The following STK3 variants were observed in gnomAD, a reference collection of about 807,000 sequenced individuals.
The protein encoded by STK3 is serine/threonine-protein kinase 3.
In STK3, 41 loss-of-function variants were observed where a neutral mutation model predicts 58.0. The observed-to-expected ratio is 0.71, with a 90% CI of 0.55 to 0.92. STK3 has a LOEUF of 0.92. Among genes scored for constraint, STK3 ranks in the 40% least tolerant of loss-of-function variants. STK3 has a pLI of 0.00. For missense variants in STK3, 479 were observed against 602.7 expected (o/e 0.79, Z 2.15); for synonymous variants, 170 against 191.0 (o/e 0.89, Z 0.91).
chr8:98,837,163 A>G (rs1835776612), intron 3 of STK3, among the ~76,000 whole-genome samples: 2 of 152,218 alleles, frequency 1.3e-5, no homozygotes, highest in South Asian at 4.1e-4. Flanking sequence ...AACTTTATAT[A>G]AACACAATAA....
intron 9 of STK3, among the ~76,000 whole-genome samples, chr8:98,534,461 C>T (rs1308799111): frequency 3.9e-5 from 6 of 152,086 alleles, no homozygotes; most frequent in African/African-American, 1.4e-4. Context: ...TCATAACAGA[C>T]TTTACAAGTA....
chr8:98,613,590 A>G (rs1390850770), intron 6 of STK3, among the ~76,000 whole-genome samples: 1 of 152,072 alleles, frequency 6.6e-6, no homozygotes, highest in Non-Finnish European at 1.5e-5. Flanking sequence ...CCTCATAAAC[A>G]CTATAGATAA....
At chr8:98,663,821 T>C (rs917186655) in intron 6 of STK3, among the ~76,000 whole-genome samples, 1 of 152,202 alleles carries the variant, frequency 6.6e-6, no homozygotes, top group Non-Finnish European at 1.5e-5. Context: ...AACTGAACAA[T>C]GAGAACACAA....
intron 1 of STK3, among the ~76,000 whole-genome samples, chr8:98,799,134 A>G (rs1833361365): frequency 1.3e-5 from 2 of 152,192 alleles, no homozygotes; most frequent in Admixed American, 6.5e-5. Flanking sequence ...CTATCATTTG[A>G]CTATCTCATT....
chr8:98,414,405 C>T (rs114414562), intron 3 of STK3, among the ~76,000 whole-genome samples: 2,111 of 152,296 alleles, frequency 0.014, 57 homozygotes, highest in African/African-American at 0.048. Context: ...ATTCCAACAA[C>T]TTAGCAATCC....
At chr8:98,514,421 A>C (rs1824766291) in intron 10 of STK3, among the ~76,000 whole-genome samples, 1 of 152,082 alleles carries the variant, frequency 6.6e-6, no homozygotes, top group South Asian at 2.1e-4. Context: ...TTTAAAAGTT[A>C]TTTACACCCT....
At chr8:98,363,816 G>T in the STK3 span, among the ~76,000 whole-genome samples, 1 of 152,208 alleles carries the variant, frequency 6.6e-6, no homozygotes, top group East Asian at 1.9e-4. Context: ...TCACCGCGGA[G>T]ATTTCACAGC....
At chr8:98,864,687 T>C (rs1320440399) in intron 3 of STK3, among the ~76,000 whole-genome samples, 1 of 152,174 alleles carries the variant, frequency 6.6e-6, no homozygotes, top group Non-Finnish European at 1.5e-5. Flanking sequence ...ATTTAAGAGT[T>C]TAGGTAAAAT....
At chr8:98,351,769 C>A in the STK3 span, among the ~76,000 whole-genome samples, 1 of 152,144 alleles carries the variant, frequency 6.6e-6, no homozygotes, top group Non-Finnish European at 1.5e-5. Flanking sequence ...TCAAAAGATG[C>A]AAATCTCCTT....
intron 9 of STK3, among the ~76,000 whole-genome samples, chr8:98,539,082 T>C (rs1810017666): frequency 6.6e-6 from 1 of 152,190 alleles, no homozygotes; most frequent in Non-Finnish European, 1.5e-5. Context: ...CATAAAAGAA[T>C]GGTAAGTGAG....
At chr8:98,360,402 A>G in the STK3 span, among the ~76,000 whole-genome samples, 2 of 152,146 alleles carry the variant, frequency 1.3e-5, no homozygotes, top group Non-Finnish European at 2.9e-5. Flanking sequence ...CTGTGTCTCC[A>G]TGCCTAGTCC....
chr8:98,779,105 C>T (rs1254730745), intron 1 of STK3, among the ~76,000 whole-genome samples: 1 of 152,020 alleles, frequency 6.6e-6, no homozygotes, highest in Non-Finnish European at 1.5e-5. Flanking sequence ...AGACCTATTT[C>T]CTGGCCCCTC....
At chr8:98,387,854 G>T (rs1438448795) in intron 1 of STK3, among the ~76,000 whole-genome samples, 2 of 149,014 alleles carry the variant, frequency 1.3e-5, no homozygotes, top group East Asian at 3.9e-4. Context: ...AAAGAAACCA[G>T]AGCTCTTTGT....
upstream of STK3, among the ~76,000 whole-genome samples, chr8:98,830,449 T>C (rs185464939): frequency 6.6e-6 from 1 of 152,080 alleles, no homozygotes; most frequent in East Asian, 1.9e-4. Context: ...TGTGTGTTAC[T>C]CAATAAAGGA....
intron 3 of STK3, among the ~76,000 whole-genome samples, chr8:98,839,512 A>G (rs1427224026): frequency 6.6e-6 from 1 of 152,254 alleles, no homozygotes; most frequent in Non-Finnish European, 1.5e-5. Flanking sequence ...GTTGCCAGAC[A>G]CAGATAATGA....
intron 6 of STK3, among the ~76,000 whole-genome samples, chr8:98,680,981 C>CTTTTTTTTTTTTT (rs371666746): frequency 8.0e-6 from 1 of 124,762 alleles, no homozygotes; most frequent in Non-Finnish European, 1.7e-5. Context: ...CCCCACCTTT[C>CTTTTTTTTTTTTT]TTTTTTTTTT....
At chr8:98,585,514 T>G (rs1359244783) in intron 7 of STK3, among the ~76,000 whole-genome samples, 1 of 150,712 alleles carries the variant, frequency 6.6e-6, no homozygotes, top group Non-Finnish European at 1.5e-5. Context: ...TAGTATAGTT[T>G]GAAGTCAGGT....
intron 10 of STK3, among the ~76,000 whole-genome samples, chr8:98,464,437 A>G (rs1820264623): frequency 6.6e-6 from 1 of 151,984 alleles, no homozygotes. Flanking sequence ...AGCACTAGTA[A>G]AAATCCAGTC....
chr8:98,455,611 C>A lies in STK3; in HGVS notation c.*231G>T. 1 of 538,756 alleles carries A rather than the reference C, an allele frequency of 1.9e-6. No homozygotes were observed. Among genetic ancestry groups the A allele is most frequent in the Non-Finnish European group, 3.3e-6 (1 of 305,442 alleles). 33.4% of individuals were successfully genotyped at this position (538,756 alleles called of 1,614,324 possible). A position where few individuals can be genotyped will look rare whatever the true frequency, so the allele number is the denominator to read the frequency against. Reference sequence around the variant, plus strand: ...AGTTTTATTACTGGTATGCAGCTGACAGAACAAGAGAATACACTTCTTTTG... The same window carrying A: ...AGTTTTATTACTGGTATGCAGCTGAAAGAACAAGAGAATACACTTCTTTTG... On this transcript the variant is annotated 3_prime_UTR_variant, in exon 11 of 11. Coordinates refer to ENST00000419617, the MANE Select transcript of STK3 (RefSeq NM_006281.4).
Sources: allele counts gnomAD v4.1 joint callset (sites outside exome capture counted in the v4.1 genomes callset), GRCh38; gene constraint gnomAD v4.1.1; transcripts MANE v1.5; gene names NCBI Gene and HGNC (gene_info 2026-07-23, HGNC 2026-07-21).